Variants in CHCHD3 observed in about 807,000 individuals in gnomAD.
CHCHD3 encodes the protein coiled-coil-helix-coiled-coil-helix domain containing 3.
In CHCHD3, 20 loss-of-function variants were observed where a neutral mutation model predicts 38.2. The observed-to-expected ratio is 0.52, with a 90% CI of 0.37 to 0.76. The LOEUF (loss-of-function observed/expected upper bound fraction) is 0.76. CHCHD3 is among the 30% of genes least tolerant of loss of function. The pLI is 0.00. For synonymous variants in CHCHD3, 82 were observed against 100.0 expected (o/e 0.82, Z 1.07); for missense variants, 245 against 279.2 (o/e 0.88, Z 0.87).
intron 2 of CHCHD3, among the ~76,000 whole-genome samples, chr7:133,062,435 A>T (rs890422564): frequency 7.9e-5 from 12 of 152,170 alleles, no homozygotes; most frequent in Non-Finnish European, 1.3e-4. Flanking sequence ...TATTTCACAA[A>T]TCTTGAAGCA....
intron 4 of CHCHD3, among the ~76,000 whole-genome samples, chr7:132,945,223 T>C (rs1426264291): frequency 4.6e-5 from 7 of 151,976 alleles, no homozygotes; most frequent in South Asian, 2.1e-4. Flanking sequence ...TGGGTTTTCA[T>C]TGTTTTAAAA....
At chr7:132,972,229 C>T (rs1811630951) in intron 4 of CHCHD3, among the ~76,000 whole-genome samples, 2 of 152,078 alleles carry the variant, frequency 1.3e-5, no homozygotes, top group African/African-American at 4.8e-5. Flanking sequence ...CTCAGTGAAA[C>T]ACAACCATTA....
intron 5 of CHCHD3, among the ~76,000 whole-genome samples, chr7:132,863,259 G>A (rs973089813): frequency 1.3e-5 from 2 of 152,166 alleles, no homozygotes; most frequent in Non-Finnish European, 2.9e-5. Flanking sequence ...ATGGACATTA[G>A]CAGGCATGAA....
chr7:133,055,988 G>A (rs1385122401), intron 2 of CHCHD3, among the ~76,000 whole-genome samples: 3 of 151,838 alleles, frequency 2.0e-5, no homozygotes, highest in African/African-American at 7.3e-5. Context: ...CTACAAAAAA[G>A]AAAAAAGTCT....
chr7:132,817,366 G>A (rs1049677020), intron 6 of CHCHD3, among the ~76,000 whole-genome samples: 4 of 152,074 alleles, frequency 2.6e-5, no homozygotes, highest in Non-Finnish European at 5.9e-5. Context: ...CAAAGGGAAG[G>A]AAAGTTTTTA....
At chr7:133,009,007 A>C (rs1812785353) in intron 3 of CHCHD3, among the ~76,000 whole-genome samples, 2 of 151,874 alleles carry the variant, frequency 1.3e-5, no homozygotes, top group Admixed American at 1.3e-4. Context: ...AAACCAGAAC[A>C]CAAAGGTAGT....
chr7:132,907,563 T>A (rs886631403), intron 4 of CHCHD3, among the ~76,000 whole-genome samples: 1 of 151,958 alleles, frequency 6.6e-6, no homozygotes, highest in African/African-American at 2.4e-5. Flanking sequence ...AGCAAGCCTA[T>A]CAGTTGAAGA....
At chr7:132,873,354 T>C (rs553293564) in intron 5 of CHCHD3, among the ~76,000 whole-genome samples, 36 of 152,126 alleles carry the variant, frequency 2.4e-4, no homozygotes, top group Non-Finnish European at 4.1e-4. Context: ...TAGAATACAG[T>C]ATTATGTTAA....
In CHCHD3 at chr7:132,925,376, TA is replaced by T. The variant is rs1420966546; in HGVS notation, c.370-39632del. Among the ~76,000 whole-genome samples, 9 of 152,358 alleles carry T rather than the reference TA, an allele frequency of 5.9e-5. No homozygotes were observed. The South Asian group carries it at 1.7e-3, about 28-fold the overall frequency. On this transcript the variant is annotated intron_variant, in intron 4 of 7. Transcript: ENST00000262570. ...CTGGTACTACTGTGACTCTGGTATTTATTTCAAAATGACAGAAATTTCACTA... is the reference window on the plus strand; with the variant it reads ...CTGGTACTACTGTGACTCTGGTATTTTTTCAAAATGACAGAAATTTCACTA...
chr7:132,876,291 C>T (rs528373059), intron 5 of CHCHD3, among the ~76,000 whole-genome samples: 1 of 152,260 alleles, frequency 6.6e-6, no homozygotes. Context: ...TAATGATTTC[C>T]TGGCTGTAAT....
intron 5 of CHCHD3, among the ~76,000 whole-genome samples, chr7:132,852,341 A>G (rs1460065181): frequency 6.6e-6 from 1 of 152,154 alleles, no homozygotes; most frequent in Non-Finnish European, 1.5e-5. Flanking sequence ...CTAACCAATT[A>G]CAGTACACAG....
At chr7:133,061,142 C>T (rs937792862) in intron 2 of CHCHD3, among the ~76,000 whole-genome samples, 3 of 151,864 alleles carry the variant, frequency 2.0e-5, no homozygotes, top group Admixed American at 1.3e-4. Flanking sequence ...AAGAGGAAGG[C>T]CGGGGTGGGG....
At chr7:132,991,557 C>T (rs115497761) in intron 3 of CHCHD3, among the ~76,000 whole-genome samples, 2,159 of 152,046 alleles carry the variant, frequency 0.014, 52 homozygotes, top group African/African-American at 0.049. Context: ...AGTTACCATA[C>T]CCTCCCCCAA....
At chr7:132,918,515 A>C (rs551831380) in intron 4 of CHCHD3, among the ~76,000 whole-genome samples, 1 of 152,244 alleles carries the variant, frequency 6.6e-6, no homozygotes, top group South Asian at 2.1e-4. Flanking sequence ...AACATATCTA[A>C]GTAACAAATT....
At chr7:132,838,579 TAGA>T (rs1585560118) in intron 5 of CHCHD3, 110 bp from the exon 6 acceptor site, 3 of 743,620 alleles carry the variant, frequency 4.0e-6, no homozygotes, top group Non-Finnish European at 6.9e-6. Flanking sequence ...ACTCAAGCAG[TAGA>T]AGACTTTCTT....
intron 3 of CHCHD3, among the ~76,000 whole-genome samples, chr7:132,978,132 A>G (rs1321511292): frequency 6.6e-6 from 1 of 152,218 alleles, no homozygotes; most frequent in Non-Finnish European, 1.5e-5. Flanking sequence ...CACAATGCCC[A>G]TAACATAATA....
intron 2 of CHCHD3, among the ~76,000 whole-genome samples, chr7:133,043,730 AT>A (rs774356194): frequency 2.6e-5 from 4 of 151,668 alleles, no homozygotes; most frequent in Non-Finnish European, 5.9e-5. Context: ...AAGTTAACTT[AT>A]TTGATTTTAG....
chr7:132,788,034 T>C lies in CHCHD3; in HGVS notation c.661-2374A>G, dbSNP rs896760417. ...AAAATAACACGCTGAGCACCCACCA[T>C]GTAAGAGACACCACCTGGCAGTGTC... On this transcript the variant is annotated intron_variant, in intron 7 of 7. Coordinates refer to ENST00000262570, the MANE Select transcript of CHCHD3 (RefSeq NM_017812.4). This position sits in a 1 kb window ranked among gnomAD's most constrained non-coding sequence, Gnocchi z 4.0. 6.6e-6 allele frequency among the ~76,000 whole-genome samples: 1 copy of C among 152,166 alleles called. No homozygotes were observed. Among genetic ancestry groups the C allele is most frequent in the Non-Finnish European group, 1.5e-5 (1 of 68,032 alleles).
intron 5 of CHCHD3, among the ~76,000 whole-genome samples, chr7:132,840,628 A>C (rs899862053): frequency 6.6e-6 from 1 of 152,194 alleles, no homozygotes; most frequent in Non-Finnish European, 1.5e-5. Context: ...AAATCAAATA[A>C]GATAGGCAAG....
Sources: gnomAD v4.1 joint callset for allele counts (sites outside exome capture counted in the v4.1 genomes callset) on GRCh38, gnomAD v4.1.1 for gene constraint, Gnocchi (gnomAD v3.1) non-coding constraint, MANE v1.5 for transcripts, NCBI Gene and HGNC (gene_info 2026-07-23, HGNC 2026-07-21) for gene names.